CCDC149: variants seen among roughly 807,000 people sequenced by gnomAD.
CCDC149 encodes the protein coiled-coil domain-containing protein 149.
Under a neutral mutation model 59.9 loss-of-function variants are expected in CCDC149, and 45 were observed. That is an observed-to-expected ratio of 0.75 (90% CI 0.59 to 0.96). The LOEUF is 0.96. Ranked by LOEUF, CCDC149 falls within the 40% of genes least tolerant of loss-of-function variation. CCDC149 has a pLI of 0.00. For missense variants in CCDC149, 584 were observed against 664.7 expected (o/e 0.88, Z 1.33); for synonymous variants, 245 against 260.6 (o/e 0.94, Z 0.58).
chr4:24,892,147 G>C (rs1720563867), intron 1 of CCDC149, among the ~76,000 whole-genome samples: 1 of 152,190 alleles, frequency 6.6e-6, no homozygotes, highest in African/African-American at 2.4e-5. Flanking sequence ...AAAGATAGAA[G>C]GCAGTGGATA....
intron 11 of CCDC149, 24 bp from the exon 12 acceptor site, chr4:24,819,999 GAT>G (rs1358102103): frequency 4.0e-6 from 6 of 1,511,788 alleles, no homozygotes; most frequent in Non-Finnish European, 5.4e-6. Flanking sequence ...GAGGAAAATG[GAT>G]GTCTTATATC....
chr4:24,949,348 C>T (rs186242605), intron 1 of CCDC149, among the ~76,000 whole-genome samples: 66 of 145,346 alleles, frequency 4.5e-4, no homozygotes, highest in African/African-American at 1.5e-3. Flanking sequence ...CACCCTCATG[C>T]GTTTACAGGG....
At chr4:24,815,061 G>A (rs1240561327) in intron 12 of CCDC149, among the ~76,000 whole-genome samples, 1 of 152,134 alleles carries the variant, frequency 6.6e-6, no homozygotes, top group Non-Finnish European at 1.5e-5. Flanking sequence ...TTTTAACCTT[G>A]TTCCATAGTG....
chr4:24,932,164 TA>T (rs1380803968), intron 1 of CCDC149, among the ~76,000 whole-genome samples: 3 of 152,168 alleles, frequency 2.0e-5, no homozygotes, highest in Admixed American at 6.5e-5. Flanking sequence ...GACTAAAATA[TA>T]AAATTGATTT....
intron 1 of CCDC149, among the ~76,000 whole-genome samples, chr4:24,969,509 T>A (rs1723898901): frequency 6.6e-6 from 1 of 152,160 alleles, no homozygotes. Context: ...GCCCCGAGTA[T>A]AATTGAGCGA....
At position 24,950,739 on chromosome 4, in the gene CCDC149, C is replaced by T. The variant is rs535338562; in HGVS notation, c.-65+29330G>A. 5.3e-5 allele frequency among the ~76,000 whole-genome samples: 8 copies of T among 152,298 alleles called. No homozygotes were observed. In the South Asian group the frequency reaches 8.3e-4, roughly 16 times the overall value. Reference sequence around the variant, plus strand: ...TATTTTTCATTTACTCATTCATTCACGTATTCAATAAACACATTTTTTCCC... The same window carrying T: ...TATTTTTCATTTACTCATTCATTCATGTATTCAATAAACACATTTTTTCCC... On this transcript the variant is annotated intron_variant, in intron 1 of 12. Transcript: ENST00000389609.
intron 1 of CCDC149, among the ~76,000 whole-genome samples, chr4:24,892,533 G>A (rs1240167355): frequency 1.3e-5 from 2 of 152,162 alleles, no homozygotes; most frequent in South Asian, 2.1e-4. Flanking sequence ...AAAGACCTAC[G>A]AAGCCTGATG....
intron 1 of CCDC149, among the ~76,000 whole-genome samples, chr4:24,929,787 T>C (rs188178352): frequency 6.6e-6 from 1 of 152,160 alleles, no homozygotes; most frequent in Non-Finnish European, 1.5e-5. Flanking sequence ...CTGAGCCTCT[T>C]TGGGAGCTCT....
intron 1 of CCDC149, among the ~76,000 whole-genome samples, chr4:24,955,353 C>T (rs183406144): frequency 2.0e-5 from 3 of 152,238 alleles, no homozygotes. Flanking sequence ...AAGAAGGAAC[C>T]CTCAAGGCCT....
upstream of CCDC149, among the ~76,000 whole-genome samples, chr4:24,917,336 C>T (rs932913441): frequency 6.6e-6 from 1 of 152,240 alleles, no homozygotes; most frequent in African/African-American, 2.4e-5. Flanking sequence ...GTTGCACTCC[C>T]TGCTGAACTG....
At chr4:24,943,426 T>C (rs1474105917) in intron 1 of CCDC149, among the ~76,000 whole-genome samples, 3 of 151,808 alleles carry the variant, frequency 2.0e-5, no homozygotes, top group African/African-American at 4.8e-5. Flanking sequence ...CAAGATGGAT[T>C]AAAGACTTAA....
intron 1 of CCDC149, among the ~76,000 whole-genome samples, chr4:24,897,416 C>T (rs1160542541): frequency 2.0e-5 from 3 of 152,000 alleles, no homozygotes; most frequent in East Asian, 1.9e-4. Context: ...TGAGAGCTGA[C>T]GGGAGCTATG....
At chr4:24,813,504 AT>A (rs1714788628) in intron 12 of CCDC149, among the ~76,000 whole-genome samples, 5 of 133,984 alleles carry the variant, frequency 3.7e-5, no homozygotes, top group African/African-American at 1.6e-4. Flanking sequence ...ATATATATAT[AT>A]ATATATATAT....
At chr4:24,846,479 T>C (rs1475001075) in intron 4 of CCDC149, among the ~76,000 whole-genome samples, 1 of 152,210 alleles carries the variant, frequency 6.6e-6, no homozygotes, top group African/African-American at 2.4e-5. Flanking sequence ...TCCTGGACCA[T>C]GACAAACATC....
At chr4:24,878,207 T>C (rs557309075) in intron 1 of CCDC149, among the ~76,000 whole-genome samples, 3 of 111,216 alleles carry the variant, frequency 2.7e-5, no homozygotes, top group Non-Finnish European at 5.4e-5. Flanking sequence ...TTTGCACAAT[T>C]TTTTTTCCTA....
chr4:24,880,406 C>G (rs60086354), intron 1 of CCDC149, among the ~76,000 whole-genome samples: 9 of 152,142 alleles, frequency 5.9e-5, no homozygotes, highest in Admixed American at 2.0e-4. Context: ...AAAGCAACCC[C>G]GTCATTAAGT....
chr4:24,882,449 A>C (rs1336628201), intron 1 of CCDC149, among the ~76,000 whole-genome samples: 2 of 152,206 alleles, frequency 1.3e-5, no homozygotes, highest in African/African-American at 4.8e-5. Context: ...CACTGAGCTA[A>C]GTATTGGGAC....
At chr4:24,893,525 AAAGT>A (rs1720647498) in intron 1 of CCDC149, among the ~76,000 whole-genome samples, 1 of 151,984 alleles carries the variant, frequency 6.6e-6, no homozygotes. Flanking sequence ...CTGAGACACA[AAAGT>A]AAGTAAGCAG....
At chr4:24,933,021 C>T (rs1005371703) in intron 1 of CCDC149, among the ~76,000 whole-genome samples, 2 of 152,042 alleles carry the variant, frequency 1.3e-5, no homozygotes, top group African/African-American at 4.8e-5. Flanking sequence ...TGTCTGATGT[C>T]TTATGCATGG....
Sources: gnomAD v4.1 joint callset for allele counts (sites outside exome capture counted in the v4.1 genomes callset) on GRCh38, gnomAD v4.1.1 for gene constraint, MANE v1.5 for transcripts, NCBI Gene and HGNC (gene_info 2026-07-23, HGNC 2026-07-21) for gene names.